The following ZBTB45 variants were observed in gnomAD, a reference collection of about 807,000 sequenced individuals.
The protein encoded by ZBTB45 is zinc finger and BTB domain-containing protein 45.
Under a neutral mutation model 28.4 loss-of-function variants are expected in ZBTB45, and 22 were observed. The ratio of observed to expected loss-of-function variants is 0.77; its 90% CI spans 0.55 to 1.10. The LOEUF (loss-of-function observed/expected upper bound fraction) is 1.10. ZBTB45 is among the 50% of genes least tolerant of loss of function. The pLI, the probability that ZBTB45 is intolerant of heterozygous loss-of-function variation, is 0.00. For missense variants in ZBTB45, 656 were observed against 750.2 expected (o/e 0.87, Z 1.47); for synonymous variants, 361 against 332.3 (o/e 1.09, Z -0.94).
chr19:58,534,369 T>G (rs2053649549), intron 1 of ZBTB45, among the ~76,000 whole-genome samples: 1 of 151,964 alleles, frequency 6.6e-6, no homozygotes, highest in African/African-American at 2.4e-5. Flanking sequence ...AATGATAAAT[T>G]TGATATTATG....
chr19:58,536,100 G>A (rs982018143), intron 1 of ZBTB45, among the ~76,000 whole-genome samples: 1 of 151,510 alleles, frequency 6.6e-6, no homozygotes, highest in Non-Finnish European at 1.5e-5. Context: ...TTTTTGAGAT[G>A]GAGTTTTGCT....
At position 58,527,254 on chromosome 19, in the gene ZBTB45, G is replaced by A. The variant is rs931886456; in HGVS notation, c.1-9581C>T. ...TAAGCTTGGCAGCTCCAGTTTTATG[G>A]CCCCAGGGGACAGTCTTTCACACCT... On this transcript the variant is annotated intron_variant, in intron 1 of 1. Transcript: ENST00000600130. Among the ~76,000 whole-genome samples, 5 of 152,088 alleles carry A rather than the reference G, an allele frequency of 3.3e-5. No individual in the cohort carries two copies. The East Asian group carries it at 9.6e-4, about 29-fold the overall frequency.
chr19:58,518,032 AC>A (rs1030929744), intron 1 of ZBTB45, among the ~76,000 whole-genome samples: 58 of 145,146 alleles, frequency 4.0e-4, no homozygotes, highest in African/African-American at 1.5e-3. Flanking sequence ...AACTCCAATA[AC>A]CCTAAGCCTC....
At chr19:58,522,159 CTTTTTTTTTT>C (rs566701490), upstream of ZBTB45, among the ~76,000 whole-genome samples, 1 of 135,344 alleles carries the variant, frequency 7.4e-6, no homozygotes, top group Admixed American at 7.4e-5. Context: ...CCCGTCTCTA[CTTTTTTTTTT>C]TTTTTTTCTG....
chr19:58,535,306 T>A (rs2053654792), intron 1 of ZBTB45, among the ~76,000 whole-genome samples: 1 of 151,910 alleles, frequency 6.6e-6, no homozygotes. Context: ...GCACCCGGCC[T>A]GTTTGATTTT....
At chr19:58,528,095 G>T (rs1028675351) in intron 1 of ZBTB45, among the ~76,000 whole-genome samples, 3 of 152,184 alleles carry the variant, frequency 2.0e-5, no homozygotes, top group Non-Finnish European at 2.9e-5. Context: ...GTCCCAAGAT[G>T]CAAGGCCATT....
chr19:58,521,381 AAAAGAAAG>A (rs1321109625), upstream of ZBTB45, among the ~76,000 whole-genome samples: 1 of 131,066 alleles, frequency 7.6e-6, no homozygotes, highest in Non-Finnish European at 1.6e-5. Flanking sequence ...AAAAAAAAAA[AAAAGAAAG>A]AAAGAAAAGA....
At position 58,517,017 on chromosome 19, in the gene ZBTB45, A is replaced by C. The variant is rs772243849; in HGVS notation, c.657T>G (p.Asp219Glu). 2 of 1,613,146 alleles carry C rather than the reference A, an allele frequency of 1.2e-6. No homozygotes were observed. The highest frequency in any genetic ancestry group is 2.7e-5 in the African/African-American group (2 of 74,932). Residue 219 changes from aspartate to glutamate, a missense_variant, in exon 2 of 3, where the codon GAT (aspartate) becomes GAG (glutamate). Physicochemically the swap from Asp to Glu is conservative, Grantham distance 45 (BLOSUM62 2). Transcript: ENST00000594051. ...GGCCGCCACCTTCGCCATCCTCGCC[A>C]TCGGTCTCATCGTCACTTTCCTCGT... ...EDDEESDDET[D>E]GEDGEGGGPG... is the part of the protein sequence containing the mutation.
chr19:58,530,769 C>T (rs1423272796), intron 1 of ZBTB45, among the ~76,000 whole-genome samples: 7 of 151,620 alleles, frequency 4.6e-5, no homozygotes, highest in Non-Finnish European at 7.4e-5. Flanking sequence ...CTGCAAGCTC[C>T]GCCTCCCGGG....
At chr19:58,522,666 T>C (rs374402235), upstream of ZBTB45, among the ~76,000 whole-genome samples, 39 of 152,120 alleles carry the variant, frequency 2.6e-4, no homozygotes, top group African/African-American at 8.4e-4. Context: ...AACACACAAG[T>C]CTAATAACCT....
Position 58,530,308 on chromosome 19 carries a change from A to G in ZBTB45, c.-1+8393T>C, listed in dbSNP as rs2053629416. 1.3e-5 allele frequency among the ~76,000 whole-genome samples: 2 copies of G among 151,774 alleles called. 1 individual carries two copies. Among genetic ancestry groups the G allele is most frequent in the Admixed American group, 1.3e-4 (2 of 15,222 alleles). On this transcript the variant is annotated intron_variant, in intron 1 of 1. Transcript: ENST00000600130. ...CCTAATGGACATTTGGGTTGTTTCT[A>G]CTTTTAGTGTTTTTTTTTGAGACGG... is the stretch of plus-strand genomic sequence containing the variant.
At chr19:58,537,994 C>T (rs992471841) in intron 1 of ZBTB45, among the ~76,000 whole-genome samples, 2 of 152,046 alleles carry the variant, frequency 1.3e-5, no homozygotes, top group Non-Finnish European at 2.9e-5. Context: ...CGTGCCACCA[C>T]GCCCGGCTAA....
chr19:58,516,908 G>A lies in ZBTB45; in HGVS notation c.766C>T (p.Pro256Ser), dbSNP rs2053508778. ...TCAGCGAGGCCAGTGGGTGCAGGGG[G>A]CTCCTCGCACGCGCTGTCAGCAGCA... ...TAAADSACEE[P>S]PAPTGLADYS... The change falls in exon 2 of 3, where the codon CCC becomes TCC. Residue 256 changes from proline to serine, a missense_variant. Around this residue, in one of 3 missense-constraint regions of ZBTB45, gnomAD observed 448 missense variants for 444.3 expected, o/e 1.01. Transcript: ENST00000594051. This position sits in a 1 kb window ranked among gnomAD's most constrained non-coding sequence, Gnocchi z 6.2. The A allele has an allele frequency of 1.2e-6, 2 of 1,613,334 alleles. No individual in the cohort carries two copies. The highest frequency in any genetic ancestry group is 1.7e-5 in the Admixed American group (1 of 60,024).
At chr19:58,524,395 G>A (rs796198398), upstream of ZBTB45, among the ~76,000 whole-genome samples, 24 of 54,666 alleles carry the variant, frequency 4.4e-4, no homozygotes, top group East Asian at 0.014. Context: ...TAAAAAGAAT[G>A]TGTATATATA....
intron 1 of ZBTB45, among the ~76,000 whole-genome samples, chr19:58,526,311 G>A (rs1037179739): frequency 6.6e-6 from 1 of 152,006 alleles, no homozygotes; most frequent in African/African-American, 2.4e-5. Context: ...CCGGGTTCAA[G>A]TGATTCTCCT....
chr19:58,522,150 C>T (rs1294118498), upstream of ZBTB45, among the ~76,000 whole-genome samples: 1 of 150,898 alleles, frequency 6.6e-6, no homozygotes, highest in Non-Finnish European at 1.5e-5. Flanking sequence ...TGGTGAAACC[C>T]CGTCTCTACT....
In ZBTB45 at chr19:58,517,006, C is replaced by T; in HGVS notation, c.668G>A (p.Gly223Asp). ...GCCCTCGCCTGGGCCGCCACCTTCG[C>T]CATCCTCGCCATCGGTCTCATCGTC... ...ESDDETDGED[G>D]EGGGPGEGQA... is the part of the protein sequence containing the mutation. Residue 223 changes from glycine (G) to aspartate (D), a missense_variant, in exon 2 of 3, where the codon GGC becomes GAC. Gly to Asp is a moderately conservative substitution (Grantham distance 94, BLOSUM62 -1). Transcript: ENST00000594051. 2 of 1,613,232 alleles carry T rather than the reference C, an allele frequency of 1.2e-6. No individual in the cohort carries two copies. The highest frequency in any genetic ancestry group is 2.2e-5 in the South Asian group (2 of 91,088).
Position 58,516,967 on chromosome 19 carries a change from G to A in ZBTB45, c.707C>T (p.Ser236Phe). 11 of 1,613,290 alleles carry A rather than the reference G, an allele frequency of 6.8e-6. No individual in the cohort carries two copies. The highest frequency in any genetic ancestry group is 9.3e-6 in the Non-Finnish European group (11 of 1,180,024). Residue 236 changes from serine to phenylalanine, a missense_variant, in exon 2 of 3, where the codon TCC (serine) becomes TTC (phenylalanine). Physicochemically the swap from Ser to Phe is radical, Grantham distance 155 (BLOSUM62 -2). Coordinates refer to ENST00000594051, the MANE Select transcript of ZBTB45 (RefSeq NM_001316979.2). This position sits in a 1 kb window ranked among gnomAD's most constrained non-coding sequence, Gnocchi z 6.2. ...GGPGEGQAPP[S>F]FPDCAAGFLT... ...GAAGCCAGCAGCACAGTCTGGGAAGGAAGGAGGTGCCTGGCCCTCGCCTGG... is the reference window on the plus strand; with the variant it reads ...GAAGCCAGCAGCACAGTCTGGGAAGAAAGGAGGTGCCTGGCCCTCGCCTGG...
In ZBTB45 at chr19:58,514,275, A is replaced by C. The variant is rs2053458355; in HGVS notation, c.1315T>G (p.Ser439Ala). 1 of 1,609,318 alleles carries C rather than the reference A, an allele frequency of 6.2e-7. No homozygotes were observed. Among genetic ancestry groups the C allele is most frequent in the African/African-American group, 1.3e-5 (1 of 74,914 alleles). ...KPHQCAVCWR[S>A]FSLRDYLLKH... is the part of the protein sequence containing the mutation. ...AGCAGGTAGTCGCGTAGAGAGAAGGATCGCCAGCACACGGCGCACTGGTGC... is the reference window on the plus strand; with the variant it reads ...AGCAGGTAGTCGCGTAGAGAGAAGGCTCGCCAGCACACGGCGCACTGGTGC... Residue 439 changes from serine to alanine, a missense_variant, in exon 3 of 3, where the codon TCC becomes GCC. Ser to Ala is a moderately conservative substitution (Grantham distance 99). Transcript: ENST00000594051.
Sources: allele counts gnomAD v4.1 joint callset (sites outside exome capture counted in the v4.1 genomes callset), GRCh38; gene constraint gnomAD v4.1.1; regional missense constraint gnomAD v4.1.1; non-coding constraint Gnocchi (gnomAD v3.1); transcripts MANE v1.5; gene names NCBI Gene and HGNC (gene_info 2026-07-23, HGNC 2026-07-21).